DACH1: variants seen among roughly 807,000 people sequenced by gnomAD.
DACH1 encodes the protein dachshund homolog 1.
A neutral mutation model predicts 54.2 loss-of-function variants in DACH1; 12 were observed. The observed-to-expected ratio is 0.22, with a 90% CI of 0.14 to 0.36. The LOEUF (loss-of-function observed/expected upper bound fraction) is 0.36. Among genes scored for constraint, DACH1 ranks in the 10% least tolerant of loss-of-function variants. The pLI is 1.00. For missense variants in DACH1, 805 were observed against 929.8 expected (o/e 0.87, Z 1.75); for synonymous variants, 386 against 366.2 (o/e 1.05, Z -0.62).
intron 1 of DACH1, among the ~76,000 whole-genome samples, chr13:71,818,238 T>C (rs532146555): frequency 2.6e-5 from 4 of 152,298 alleles, no homozygotes; most frequent in South Asian, 4.1e-4. Context: ...AAAAGAAATA[T>C]ATGCTATAAT....
chr13:71,691,295 T>A (rs1344347555), intron 1 of DACH1, among the ~76,000 whole-genome samples: 1 of 152,200 alleles, frequency 6.6e-6, no homozygotes, highest in Non-Finnish European at 1.5e-5. Flanking sequence ...TTTGTTTTAT[T>A]TTTGAATAGT....
At chr13:71,828,299 G>A (rs1221014017) in intron 1 of DACH1, among the ~76,000 whole-genome samples, 3 of 151,960 alleles carry the variant, frequency 2.0e-5, no homozygotes, top group Admixed American at 6.6e-5. Context: ...CTGCGTTACA[G>A]GGTAACGGAA....
chr13:71,583,766 C>T (rs1395488218), intron 3 of DACH1, among the ~76,000 whole-genome samples: 2 of 152,042 alleles, frequency 1.3e-5, no homozygotes. Context: ...GCCTGGGAGG[C>T]AGAGGCTGCA....
intron 1 of DACH1, among the ~76,000 whole-genome samples, chr13:71,742,092 T>G (rs979143286): frequency 6.6e-6 from 1 of 152,178 alleles, no homozygotes; most frequent in East Asian, 1.9e-4. Flanking sequence ...CAGAATCTGA[T>G]AGGTTTATCA....
chr13:71,699,132 A>G (rs1189477773), intron 1 of DACH1, among the ~76,000 whole-genome samples: 3 of 152,170 alleles, frequency 2.0e-5, no homozygotes, highest in Admixed American at 6.5e-5. Context: ...TAACTTGGCT[A>G]TTTGTCTTTC....
chr13:71,727,995 T>G (rs76052220), intron 1 of DACH1, among the ~76,000 whole-genome samples: 6,058 of 152,108 alleles, frequency 0.04, 385 homozygotes, highest in African/African-American at 0.14. Context: ...CCAACAGGAA[T>G]GTGATCAGGT....
chr13:71,866,175 C>T lies in DACH1; in HGVS notation c.595G>A (p.Ala199Thr). 6.2e-7 allele frequency: 1 copy of T among 1,612,848 alleles called. No homozygotes were observed. Among genetic ancestry groups the T allele is most frequent in the Non-Finnish European group, 8.5e-7 (1 of 1,179,378 alleles). Reference protein sequence around the residue: ...KMVDLRGAKVASFTVEGCELI... With the variant: ...KMVDLRGAKVTSFTVEGCELI... The stretch of plus-strand genomic sequence containing the variant: ...TCGCAGCCCTCCACCGTGAAGGAAG[C>T]CACTTTGGCCCCCCTCAGATCCACC... Residue 199 changes from alanine to threonine, a missense_variant, in exon 1 of 11, where the codon GCT (alanine) becomes ACT (threonine). Physicochemically the swap from Ala to Thr is moderately conservative, Grantham distance 58. Around this residue, in one of 3 missense-constraint regions of DACH1, gnomAD observed 305 missense variants for 308.7 expected, o/e 0.99. Transcript: ENST00000613252.
intron 1 of DACH1, among the ~76,000 whole-genome samples, chr13:71,850,388 T>C (rs1415182369): frequency 2.0e-5 from 3 of 152,154 alleles, no homozygotes; most frequent in Non-Finnish European, 4.4e-5. Flanking sequence ...TCCTTAACTC[T>C]AGTTGTCCAA....
chr13:71,474,901 T>G (rs760821172), intron 10 of DACH1, among the ~76,000 whole-genome samples: 9 of 152,230 alleles, frequency 5.9e-5, no homozygotes, highest in Admixed American at 2.6e-4. Flanking sequence ...AATCATACAT[T>G]GTTTAAAATT....
chr13:71,615,360 TAAA>T (rs1439125402), intron 3 of DACH1, among the ~76,000 whole-genome samples: 1 of 152,178 alleles, frequency 6.6e-6, no homozygotes, highest in East Asian at 1.9e-4. Context: ...AAATCCCAGT[TAAA>T]CCAAGCTTAT....
rs1469534010 is a variant in DACH1, at chr13:71,735,414, GTATATGGGA to G, written c.849-53513_849-53505del. On this transcript the variant is annotated intron_variant, in intron 1 of 10. Transcript: ENST00000613252. ...ATATACACGTATACGGGATATACAC[GTATATGGGA>G]TATACACGTATACGGATATACGTGT... 6.4e-4 allele frequency among the ~76,000 whole-genome samples: 20 copies of G among 31,170 alleles called. 3 individuals are homozygous for G. Among genetic ancestry groups the G allele is most frequent in the African/African-American group, 1.7e-3 (20 of 12,000 alleles). The allele number at this position is 31,170 out of a possible 152,430, so 20.4% of individuals were successfully genotyped here.
At chr13:71,863,492 G>C (rs1479459962) in intron 1 of DACH1, among the ~76,000 whole-genome samples, 1 of 152,076 alleles carries the variant, frequency 6.6e-6, no homozygotes, top group Non-Finnish European at 1.5e-5. Flanking sequence ...AATTATTAAG[G>C]CCAGGTGACT....
chr13:71,478,153 C>G (rs1166500772), intron 8 of DACH1, among the ~76,000 whole-genome samples: 1 of 152,052 alleles, frequency 6.6e-6, no homozygotes, highest in African/African-American at 2.4e-5. Flanking sequence ...GTTCTTTGAC[C>G]CAACTTATTT....
intron 7 of DACH1, among the ~76,000 whole-genome samples, chr13:71,483,033 C>T (rs1878183213): frequency 6.6e-6 from 1 of 151,818 alleles, no homozygotes; most frequent in African/African-American, 2.4e-5. Flanking sequence ...AAACCCCTTA[C>T]CTCAGGCGAT....
chr13:71,508,698 C>T (rs898689504), intron 6 of DACH1, among the ~76,000 whole-genome samples: 1 of 151,994 alleles, frequency 6.6e-6, no homozygotes, highest in African/African-American at 2.4e-5. Context: ...AACTCCTGGG[C>T]TCACGCCATC....
intron 6 of DACH1, among the ~76,000 whole-genome samples, chr13:71,550,423 A>G (rs1384010334): frequency 6.6e-6 from 1 of 152,166 alleles, no homozygotes; most frequent in Non-Finnish European, 1.5e-5. Flanking sequence ...TATCCCATGT[A>G]AGGAAAGAAA....
chr13:71,687,028 A>T (rs1281493986), intron 1 of DACH1, among the ~76,000 whole-genome samples: 57 of 152,308 alleles, frequency 3.7e-4, no homozygotes, highest in Non-Finnish European at 1.8e-4. Context: ...GAGCACTGAG[A>T]TTAATCCTGG....
At chr13:71,634,702 A>T (rs1015923221) in intron 2 of DACH1, among the ~76,000 whole-genome samples, 2 of 151,830 alleles carry the variant, frequency 1.3e-5, no homozygotes, top group Admixed American at 1.3e-4. Flanking sequence ...TCCCCAATCT[A>T]CCCCACTTGC....
At chr13:71,759,089 T>C (rs147166418) in intron 1 of DACH1, among the ~76,000 whole-genome samples, 1 of 152,116 alleles carries the variant, frequency 6.6e-6, no homozygotes, top group Non-Finnish European at 1.5e-5. Context: ...TTTTGGACAA[T>C]GCTGAATCTG....
Sources: allele counts gnomAD v4.1 joint callset (sites outside exome capture counted in the v4.1 genomes callset), GRCh38; gene constraint gnomAD v4.1.1; regional missense constraint gnomAD v4.1.1; transcripts MANE v1.5; gene names NCBI Gene and HGNC (gene_info 2026-07-23, HGNC 2026-07-21).